UTRN: variants seen among roughly 807,000 people sequenced by gnomAD.
UTRN encodes utrophin, also known as dystrophin-related protein 1.
In UTRN, 283 loss-of-function variants were observed where a neutral mutation model predicts 463.9. The ratio of observed to expected loss-of-function variants is 0.61; its 90% CI spans 0.55 to 0.67. The LOEUF is 0.67. Among genes scored for constraint, UTRN ranks in the 30% least tolerant of loss-of-function variants. The pLI is 0.00. For synonymous variants in UTRN, 1,442 were observed against 1,431.5 expected, an observed-to-expected ratio of 1.01 and a Z score of -0.17; for missense variants, 3,922 against 4,084.3, an observed-to-expected ratio of 0.96 and a Z score of 1.08.
chr6:144,728,610 G>C (rs1788175841), intron 53 of UTRN, among the ~76,000 whole-genome samples: 1 of 147,182 alleles, frequency 6.8e-6, no homozygotes, highest in African/African-American at 2.5e-5. Context: ...GCTCATCAGT[G>C]ATAATTGCTG....
At chr6:144,534,856 T>C (rs895424463) in intron 43 of UTRN, among the ~76,000 whole-genome samples, 3 of 152,148 alleles carry the variant, frequency 2.0e-5, no homozygotes, top group African/African-American at 7.2e-5. Context: ...TTTATAGCAA[T>C]TTTCTATAAA....
At chr6:144,780,907 A>G (rs772905019) in intron 60 of UTRN, among the ~76,000 whole-genome samples, 3 of 151,968 alleles carry the variant, frequency 2.0e-5, no homozygotes, top group Non-Finnish European at 2.9e-5. Context: ...GATCTCTTGT[A>G]TTTTATCCAT....
At chr6:144,630,095 G>A (rs932285129) in intron 51 of UTRN, among the ~76,000 whole-genome samples, 13 of 152,308 alleles carry the variant, frequency 8.5e-5, no homozygotes, top group African/African-American at 2.9e-4. Context: ...GGCTGAGGCA[G>A]GAGAATGGCA....
At chr6:144,391,814 G>T (rs1290619728) in intron 2 of UTRN, among the ~76,000 whole-genome samples, 1 of 152,122 alleles carries the variant, frequency 6.6e-6, no homozygotes, top group Admixed American at 6.5e-5. Flanking sequence ...TCTAATTTTT[G>T]TATTTTTACA....
At chr6:144,391,836 T>A (rs1445313237) in intron 2 of UTRN, among the ~76,000 whole-genome samples, 1 of 152,208 alleles carries the variant, frequency 6.6e-6, no homozygotes, top group Non-Finnish European at 1.5e-5. Flanking sequence ...AAATACAGGG[T>A]TTCACCTGTT....
At chr6:144,384,920 T>C (rs1001227500) in intron 2 of UTRN, among the ~76,000 whole-genome samples, 1 of 152,194 alleles carries the variant, frequency 6.6e-6, no homozygotes, top group Admixed American at 6.5e-5. Flanking sequence ...GGTTATATCA[T>C]TGCATATGCT....
chr6:144,752,049 G>A, intron 56 of UTRN, 97 bp downstream of exon 56: 1 of 1,236,712 alleles, frequency 8.1e-7, no homozygotes, highest in Non-Finnish European at 1.1e-6. Flanking sequence ...CTCTTTCTTT[G>A]CTGATGGTAT....
chr6:144,316,780 T>C (rs573807925), intron 2 of UTRN, among the ~76,000 whole-genome samples: 58 of 152,368 alleles, frequency 3.8e-4, no homozygotes, highest in African/African-American at 1.3e-3. Context: ...GAAGATATAA[T>C]TGTCAGTGTT....
intron 34 of UTRN, among the ~76,000 whole-genome samples, chr6:144,503,789 A>G (rs954489691): frequency 3.9e-5 from 6 of 152,144 alleles, no homozygotes; most frequent in African/African-American, 9.7e-5. Context: ...AAGAAAGTCA[A>G]TGGTAGCTTG....
intron 2 of UTRN, chr6:144,344,389 T>C: frequency 7.8e-7 from 1 of 1,289,666 alleles, no homozygotes; most frequent in Non-Finnish European, 1.0e-6. Flanking sequence ...CATTCAGTTT[T>C]GTTAAGTAAC....
intron 51 of UTRN, among the ~76,000 whole-genome samples, chr6:144,622,583 G>GA (rs1775541701): frequency 6.6e-6 from 1 of 152,116 alleles, no homozygotes; most frequent in Non-Finnish European, 1.5e-5. Flanking sequence ...CATGTGATAA[G>GA]AAAAATATAT....
At chr6:144,307,045 G>T (rs112662198) in intron 2 of UTRN, among the ~76,000 whole-genome samples, 1 of 151,558 alleles carries the variant, frequency 6.6e-6, no homozygotes, top group African/African-American at 2.4e-5. Flanking sequence ...AGCCTGGGTG[G>T]CAGAGTGTGA....
intron 49 of UTRN, among the ~76,000 whole-genome samples, chr6:144,556,610 T>C (rs188387522): frequency 1.1e-4 from 16 of 152,318 alleles, no homozygotes; most frequent in Admixed American, 9.2e-4. Context: ...AAAAACTATG[T>C]CAAAGAACCA....
In UTRN at chr6:144,394,285, T is replaced by A. The variant is rs578065001; in HGVS notation, c.80-8838T>A. Among the ~76,000 whole-genome samples the A allele has an allele frequency of 2.0e-5, 3 of 152,266 alleles. No individual in the cohort carries two copies. In the East Asian group the frequency reaches 5.8e-4, roughly 29 times the overall value. ...GGTAATTTATAAAGAAAAAGAGGTA[T>A]AACGGACTCATAGTTCCACGTGGCA... On this transcript the variant is annotated intron_variant, in intron 2 of 74. Coordinates refer to ENST00000367545, the MANE Select transcript of UTRN (RefSeq NM_007124.3).
chr6:144,635,189 A>G (rs1776989055), intron 51 of UTRN, among the ~76,000 whole-genome samples: 1 of 128,086 alleles, frequency 7.8e-6, no homozygotes, highest in African/African-American at 3.0e-5. Context: ...TTACTGTGTC[A>G]CCCAGGCTAG....
At chr6:144,507,068 A>C (rs1433424618) in intron 34 of UTRN, among the ~76,000 whole-genome samples, 2 of 151,728 alleles carry the variant, frequency 1.3e-5, no homozygotes, top group East Asian at 1.9e-4. Flanking sequence ...CTATTGATAC[A>C]TGTGTATGCC....
chr6:144,754,953 G>T (rs1791829481), intron 57 of UTRN, among the ~76,000 whole-genome samples, 155 bp downstream of exon 57: 1 of 152,072 alleles, frequency 6.6e-6, no homozygotes, highest in African/African-American at 2.4e-5. Context: ...TTGCTTAATG[G>T]TTATTATTTG....
At chr6:144,416,501 C>A (rs1784375908) in intron 3 of UTRN, among the ~76,000 whole-genome samples, 2 of 152,112 alleles carry the variant, frequency 1.3e-5, no homozygotes, top group Admixed American at 6.5e-5. Flanking sequence ...CCCCGCTAGA[C>A]CCCCCTGGCT....
At chr6:144,658,652 A>G (rs1315415973) in intron 51 of UTRN, among the ~76,000 whole-genome samples, 1 of 152,230 alleles carries the variant, frequency 6.6e-6, no homozygotes, top group African/African-American at 2.4e-5. Context: ...CTGCATCTTT[A>G]TGATGAAACT....
Sources: gnomAD v4.1 joint callset for allele counts (sites outside exome capture counted in the v4.1 genomes callset) on GRCh38, gnomAD v4.1.1 for gene constraint, MANE v1.5 for transcripts, NCBI Gene and HGNC (gene_info 2026-07-23, HGNC 2026-07-21) for gene names.